JAZF1: variants seen among roughly 807,000 people sequenced by gnomAD.
JAZF1 encodes the protein JAZF zinc finger 1.
JAZF1 carries 8 observed loss-of-function variants against 26.4 expected under a neutral mutation model. The ratio of observed to expected loss-of-function variants is 0.30; its 90% confidence interval spans 0.18 to 0.55. The LOEUF (loss-of-function observed/expected upper bound fraction) is 0.55. Among genes scored for constraint, JAZF1 ranks in the 20% least tolerant of loss-of-function variants. JAZF1 has a pLI of 0.94. For synonymous variants in JAZF1, 126 were observed against 122.3 expected, an observed-to-expected ratio of 1.03 and a Z score of -0.20; for missense variants, 199 against 322.0, an observed-to-expected ratio of 0.62 and a Z score of 2.92.
At chr7:28,068,895 A>AACC (rs770575698) in intron 1 of JAZF1, among the ~76,000 whole-genome samples, 2 of 152,204 alleles carry the variant, frequency 1.3e-5, no homozygotes, top group Non-Finnish European at 2.9e-5. Context: ...CACTGACTGA[A>AACC]AGACTCATCC....
chr7:28,119,552 C>T (rs773032007), intron 1 of JAZF1, among the ~76,000 whole-genome samples: 1 of 152,124 alleles, frequency 6.6e-6, no homozygotes. Flanking sequence ...TCAGACCCTC[C>T]CCATGACCCT....
intron 3 of JAZF1, among the ~76,000 whole-genome samples, chr7:27,864,492 CCCA>C (rs1783438045): frequency 6.6e-6 from 1 of 152,194 alleles, no homozygotes; most frequent in Non-Finnish European, 1.5e-5. Flanking sequence ...GGAGTCAAAA[CCCA>C]TGGGTTTGCC....
chr7:27,952,276 G>C (rs1290389191), intron 2 of JAZF1, among the ~76,000 whole-genome samples: 2 of 152,170 alleles, frequency 1.3e-5, no homozygotes, highest in African/African-American at 4.8e-5. Flanking sequence ...AGGTGGGGAG[G>C]GGTCAGAGAA....
intron 1 of JAZF1, among the ~76,000 whole-genome samples, chr7:28,133,262 T>C (rs975075951): frequency 6.6e-6 from 1 of 152,186 alleles, no homozygotes; most frequent in Non-Finnish European, 1.5e-5. Flanking sequence ...TCAGCTGCCC[T>C]GAAGGAATGA....
chr7:27,994,686 A>T (rs1450841589), intron 1 of JAZF1, among the ~76,000 whole-genome samples: 1 of 152,200 alleles, frequency 6.6e-6, no homozygotes, highest in Non-Finnish European at 1.5e-5. Flanking sequence ...GGTGCCCACA[A>T]ATCAGGAGAG....
At chr7:28,167,939 G>A (rs557501574) in intron 1 of JAZF1, among the ~76,000 whole-genome samples, 1 of 152,214 alleles carries the variant, frequency 6.6e-6, no homozygotes, top group East Asian at 1.9e-4. Context: ...TGGTATACAA[G>A]GTTTACTTTG....
At chr7:28,004,401 TAAAA>T (rs72501870) in intron 1 of JAZF1, among the ~76,000 whole-genome samples, 1 of 143,232 alleles carries the variant, frequency 7.0e-6, no homozygotes, top group Non-Finnish European at 1.5e-5. Context: ...CTGGGTAACT[TAAAA>T]AAAAAAAAAG....
At chr7:28,008,047 T>TGG (rs990727213) in intron 1 of JAZF1, among the ~76,000 whole-genome samples, 5 of 152,272 alleles carry the variant, frequency 3.3e-5, no homozygotes, top group African/African-American at 1.2e-4. Flanking sequence ...ATTTCTCCTT[T>TGG]GGGTGACTGA....
intron 3 of JAZF1, among the ~76,000 whole-genome samples, chr7:27,894,987 A>G (rs1262905928): frequency 6.6e-6 from 1 of 152,226 alleles, no homozygotes; most frequent in African/African-American, 2.4e-5. Flanking sequence ...TGGGAAATAT[A>G]TTGACAAAAA....
At chr7:28,029,589 G>A (rs1429492390) in intron 1 of JAZF1, among the ~76,000 whole-genome samples, 1 of 152,130 alleles carries the variant, frequency 6.6e-6, no homozygotes, top group Non-Finnish European at 1.5e-5. Flanking sequence ...AAGGCTACAT[G>A]GGAAAATCTA....
At chr7:28,132,026 C>T (rs1456858591) in intron 1 of JAZF1, among the ~76,000 whole-genome samples, 1 of 152,262 alleles carries the variant, frequency 6.6e-6, no homozygotes, top group Admixed American at 6.5e-5. Flanking sequence ...TCCTACTACC[C>T]TCATGATCAG....
chr7:28,157,210 A>G (rs1181027192), intron 1 of JAZF1, among the ~76,000 whole-genome samples: 1 of 152,204 alleles, frequency 6.6e-6, no homozygotes, highest in African/African-American at 2.4e-5. Context: ...AGGTGTGCCC[A>G]CTAAGTCCCT....
intron 1 of JAZF1, among the ~76,000 whole-genome samples, chr7:28,013,467 T>TG (rs1047504652): frequency 3.3e-5 from 5 of 151,468 alleles, no homozygotes; most frequent in East Asian, 2.0e-4. Flanking sequence ...TAGCGGGGGT[T>TG]GGGGGGGTAG....
chr7:28,154,123 T>C (rs944579233), intron 1 of JAZF1, among the ~76,000 whole-genome samples: 2 of 152,188 alleles, frequency 1.3e-5, no homozygotes, highest in African/African-American at 2.4e-5. Flanking sequence ...GCTGTCCTCC[T>C]TGACTGACCC....
intron 1 of JAZF1, among the ~76,000 whole-genome samples, chr7:28,062,405 T>C (rs1394991468): frequency 6.6e-6 from 1 of 152,070 alleles, no homozygotes; most frequent in Non-Finnish European, 1.5e-5. Flanking sequence ...CAGCGGTGCA[T>C]GTATATAGGG....
chr7:28,066,439 T>A (rs913179607), intron 1 of JAZF1, among the ~76,000 whole-genome samples: 1 of 151,334 alleles, frequency 6.6e-6, no homozygotes. Context: ...CCATCTCTAC[T>A]AAAAATACAA....
At chr7:27,913,379 C>A in intron 2 of JAZF1, 1 of 456,820 alleles carries the variant, frequency 2.2e-6, no homozygotes, top group Non-Finnish European at 4.5e-6. Flanking sequence ...ACAAAAGAAC[C>A]AGAAGGCCAT....
chr7:27,953,148 G>T (rs990358651), intron 2 of JAZF1, among the ~76,000 whole-genome samples: 5 of 152,170 alleles, frequency 3.3e-5, no homozygotes, highest in African/African-American at 1.2e-4. Context: ...CAAACCACAG[G>T]CTGAAAAGTT....
At chr7:28,070,851 A>G (rs562176239) in intron 1 of JAZF1, among the ~76,000 whole-genome samples, 8 of 152,332 alleles carry the variant, frequency 5.3e-5, no homozygotes, top group Non-Finnish European at 1.0e-4. Context: ...AGGTCATCCA[A>G]AATCCCCTAT....
Sources: gnomAD v4.1 joint callset for allele counts (sites outside exome capture counted in the v4.1 genomes callset) on GRCh38, gnomAD v4.1.1 for gene constraint, MANE v1.5 for transcripts, NCBI Gene and HGNC (gene_info 2026-07-23, HGNC 2026-07-21) for gene names.